The following CLCN3 variants were observed in gnomAD, a reference collection of about 807,000 sequenced individuals.
CLCN3 encodes H(+)/Cl(-) exchange transporter 3.
A neutral mutation model predicts 83.4 loss-of-function variants in CLCN3; 16 were observed. The observed-to-expected ratio is 0.19, with a 90% CI of 0.13 to 0.29. The LOEUF (loss-of-function observed/expected upper bound fraction) is 0.29, where lower values mean the gene tolerates loss of function less well. Ranked by LOEUF, CLCN3 falls within the 10% of genes least tolerant of loss-of-function variation. The probability of loss-of-function intolerance (pLI) is 1.00; values close to 1 mark genes in which losing one functional copy is unlikely to be tolerated. For synonymous variants in CLCN3, 322 were observed against 346.2 expected, an observed-to-expected ratio of 0.93 and a Z score of 0.78; for missense variants, 544 against 1,006.0, an observed-to-expected ratio of 0.54 and a Z score of 6.21.
chr4:169,665,199 T>TGG (rs1731199970), intron 2 of CLCN3, among the ~76,000 whole-genome samples: 1 of 152,196 alleles, frequency 6.6e-6, no homozygotes, highest in South Asian at 2.1e-4. Context: ...CACCTTATCA[T>TGG]CTCTAACTAA....
chr4:169,641,444 G>A (rs1560831523), intron 2 of CLCN3, among the ~76,000 whole-genome samples: 1 of 152,172 alleles, frequency 6.6e-6, no homozygotes, highest in Non-Finnish European at 1.5e-5. Context: ...CCACATAGTA[G>A]ACGAGGCTCA....
chr4:169,712,883 C>A (rs1733276921), intron 11 of CLCN3, among the ~76,000 whole-genome samples, 196 bp from the exon 12 acceptor site: 1 of 152,148 alleles, frequency 6.6e-6, no homozygotes, highest in South Asian at 2.1e-4. Context: ...TTATTGTTGA[C>A]TTCTAATTCA....
intron 6 of CLCN3, 33 bp from the exon 7 acceptor site, chr4:169,692,081 G>A (rs1732395371): frequency 7.8e-7 from 1 of 1,277,090 alleles, no homozygotes; most frequent in East Asian, 2.3e-5. Context: ...GTTTCTTAAA[G>A]GACATTAAGC....
chr4:169,625,092 C>T (rs1560823544), intron 1 of CLCN3, among the ~76,000 whole-genome samples: 1 of 152,198 alleles, frequency 6.6e-6, no homozygotes, highest in African/African-American at 2.4e-5. Context: ...CACCTGGCCT[C>T]TTTTCACGTT....
intron 2 of CLCN3, among the ~76,000 whole-genome samples, chr4:169,640,606 G>T (rs1730385785): frequency 6.6e-6 from 1 of 152,088 alleles, no homozygotes; most frequent in Non-Finnish European, 1.5e-5. Context: ...GAGTCATTTT[G>T]GTCAATAATT....
intron 6 of CLCN3, among the ~76,000 whole-genome samples, chr4:169,691,663 C>T (rs17051938): frequency 0.092 from 14,005 of 152,110 alleles, 679 homozygotes; most frequent in African/African-American, 0.12. Context: ...ACAGTTGTTA[C>T]TCATTCTTGA....
At chr4:169,670,046 C>A (rs1731399667) in intron 2 of CLCN3, among the ~76,000 whole-genome samples, 1 of 152,140 alleles carries the variant, frequency 6.6e-6, no homozygotes, top group Non-Finnish European at 1.5e-5. Context: ...GGATAGATTG[C>A]AAAAGTTTTC....
chr4:169,641,639 A>C (rs913050737), intron 2 of CLCN3, among the ~76,000 whole-genome samples: 3 of 152,222 alleles, frequency 2.0e-5, no homozygotes, highest in Non-Finnish European at 4.4e-5. Context: ...ATTCATAACT[A>C]CTGCCTACAC....
intron 2 of CLCN3, among the ~76,000 whole-genome samples, chr4:169,654,896 C>A (rs1286649424): frequency 1.3e-5 from 2 of 152,116 alleles, no homozygotes; most frequent in Non-Finnish European, 1.5e-5. Context: ...TACTCTGTTT[C>A]TTTACTGATT....
chr4:169,643,849 T>G (rs1351485584), intron 2 of CLCN3, among the ~76,000 whole-genome samples: 1 of 152,176 alleles, frequency 6.6e-6, no homozygotes, highest in East Asian at 1.9e-4. Flanking sequence ...TTTCCAAAAT[T>G]TAGTTTTTGC....
At position 169,636,043 on chromosome 4, in the gene CLCN3, C is replaced by G; in HGVS notation, c.115C>G (p.Gln39Glu). The G allele has an allele frequency of 6.2e-7, 1 of 1,613,200 alleles. No individual in the cohort carries two copies. The highest frequency in any genetic ancestry group is 8.5e-7 in the Non-Finnish European group (1 of 1,179,518). Residue 39 changes from glutamine to glutamate, a missense_variant, in exon 2 of 13, where the codon CAA (glutamine) becomes GAA (glutamate). Physicochemically the swap from Gln to Glu is conservative, Grantham distance 29 (BLOSUM62 2). This residue lies in a region of CLCN3 where 77 missense variants were observed against 92.8 expected (regional missense o/e 0.83). Transcript: ENST00000513761. Reference protein sequence around the residue: ...LDGAGVIMDFQTSEDDNLLDG... With the variant: ...LDGAGVIMDFETSEDDNLLDG... ...TGGAGCAGGTGTTATTATGGACTTTCAAACATCTGAAGATGACAATTTATT... is the reference window on the plus strand; with the variant it reads ...TGGAGCAGGTGTTATTATGGACTTTGAAACATCTGAAGATGACAATTTATT...
chr4:169,701,469 G>A (rs926882189), intron 9 of CLCN3, among the ~76,000 whole-genome samples: 3 of 152,080 alleles, frequency 2.0e-5, no homozygotes, highest in Admixed American at 1.3e-4. Context: ...CCCATGAAAC[G>A]TGAATGTTCT....
chr4:169,647,643 T>A (rs939341465), intron 2 of CLCN3, among the ~76,000 whole-genome samples: 12 of 152,300 alleles, frequency 7.9e-5, no homozygotes, highest in African/African-American at 2.9e-4. Flanking sequence ...GTAGCATGAA[T>A]TATAACTCAA....
At chr4:169,630,480 G>A (rs1773341289) in intron 1 of CLCN3, among the ~76,000 whole-genome samples, 1 of 152,088 alleles carries the variant, frequency 6.6e-6, no homozygotes, top group Non-Finnish European at 1.5e-5. Flanking sequence ...TTTTATGGCT[G>A]TGTAGTGTTC....
intron 2 of CLCN3, among the ~76,000 whole-genome samples, chr4:169,647,608 G>C (rs1021062129): frequency 6.6e-6 from 1 of 152,052 alleles, no homozygotes; most frequent in Non-Finnish European, 1.5e-5. Flanking sequence ...GTCAAAGCTG[G>C]AATAATTTGA....
rs1773086388 is a variant in CLCN3, at chr4:169,620,594, G to A, written c.-486G>A. On this transcript the variant is annotated 5_prime_UTR_variant, in exon 1 of 13. Coordinates refer to ENST00000513761, the MANE Select transcript of CLCN3 (RefSeq NM_001829.4). ...CTGCCGCTTCTCTTCCCCTTCCGTG[G>A]GTCAGGGCCGGTCCGGTCCGGAACC... The A allele has an allele frequency of 2.5e-6, 1 of 397,164 alleles. No homozygotes were observed. Among genetic ancestry groups the A allele is most frequent in the Non-Finnish European group, 4.4e-6 (1 of 225,744 alleles). 24.6% of individuals were successfully genotyped at this position (397,164 alleles called of 1,614,324 possible). A position where few individuals can be genotyped will look rare whatever the true frequency, so the allele number is the denominator to read the frequency against.
At chr4:169,698,820 A>G (rs1328024417) in intron 9 of CLCN3, among the ~76,000 whole-genome samples, 7 of 152,190 alleles carry the variant, frequency 4.6e-5, no homozygotes, top group Admixed American at 3.3e-4. Context: ...AGGCTGTAGG[A>G]GAGAGTCTTG....
chr4:169,634,901 A>G (rs986640001), intron 1 of CLCN3, among the ~76,000 whole-genome samples: 3 of 152,188 alleles, frequency 2.0e-5, no homozygotes, highest in Non-Finnish European at 4.4e-5. Context: ...TGTTTAAAAG[A>G]TATTTATTGT....
chr4:169,621,014 A>G lies in CLCN3; in HGVS notation c.-66A>G, dbSNP rs1487715487. The G allele has an allele frequency of 4.0e-5, 16 of 397,760 alleles. No homozygotes were observed. The highest frequency in any genetic ancestry group is 5.3e-5 in the Non-Finnish European group (12 of 226,000). The allele number at this position is 397,760 out of a possible 1,614,324, so 24.6% of individuals were successfully genotyped here. ...GGTTTGAAACAGATGCAGAATCCAA[A>G]GGCAGCGCAAAAAACAGCCACCGAT... On this transcript the variant is annotated 5_prime_UTR_variant, in exon 1 of 13. Transcript: ENST00000513761.
Sources: gnomAD v4.1 joint callset for allele counts (sites outside exome capture counted in the v4.1 genomes callset) on GRCh38, gnomAD v4.1.1 for gene constraint, gnomAD v4.1.1 regional missense constraint, MANE v1.5 for transcripts, NCBI Gene and HGNC (gene_info 2026-07-23, HGNC 2026-07-21) for gene names.